Variants in FBXL17 observed in about 807,000 individuals in gnomAD.
The protein encoded by FBXL17 is F-box/LRR-repeat protein 17.
FBXL17 carries 22 observed loss-of-function variants against 66.2 expected under a neutral mutation model. That is an observed-to-expected ratio of 0.33 (90% CI 0.24 to 0.47). The LOEUF (loss-of-function observed/expected upper bound fraction) is 0.47, where lower values mean the gene tolerates loss of function less well. Among genes scored for constraint, FBXL17 ranks in the 20% least tolerant of loss-of-function variants. The pLI is 1.00. For missense variants in FBXL17, 878 were observed against 948.2 expected (o/e 0.93, Z 0.97); for synonymous variants, 474 against 400.5 (o/e 1.18, Z -2.19).
At chr5:107,884,857 G>A (rs1748912756) in intron 7 of FBXL17, among the ~76,000 whole-genome samples, 1 of 152,176 alleles carries the variant, frequency 6.6e-6, no homozygotes, top group Admixed American at 6.5e-5. Context: ...CTACATAAAT[G>A]TCATGATTTA....
chr5:108,263,780 G>T (rs571251936), intron 4 of FBXL17, among the ~76,000 whole-genome samples: 4 of 152,210 alleles, frequency 2.6e-5, no homozygotes, highest in Admixed American at 2.6e-4. Context: ...CCATAGAATT[G>T]CTGCATTTCA....
chr5:107,971,234 T>A (rs1038260540), intron 7 of FBXL17, among the ~76,000 whole-genome samples: 4 of 152,100 alleles, frequency 2.6e-5, no homozygotes, highest in Non-Finnish European at 5.9e-5. Context: ...CAAGCACACA[T>A]CTTAAACTTC....
chr5:108,095,556 G>A (rs1307349981), intron 6 of FBXL17, among the ~76,000 whole-genome samples: 2 of 151,968 alleles, frequency 1.3e-5, no homozygotes, highest in African/African-American at 2.4e-5. Flanking sequence ...AAATATTTTA[G>A]AGCATCTGTT....
At chr5:108,360,870 G>C (rs1461361114) in intron 3 of FBXL17, among the ~76,000 whole-genome samples, 1 of 151,740 alleles carries the variant, frequency 6.6e-6, no homozygotes, top group East Asian at 1.9e-4. Flanking sequence ...AATCCCTCTG[G>C]TAAATGTTTT....
chr5:108,081,664 A>T (rs1049885195), intron 6 of FBXL17, among the ~76,000 whole-genome samples: 1 of 152,154 alleles, frequency 6.6e-6, no homozygotes, highest in South Asian at 2.1e-4. Context: ...CGGAGCTTGC[A>T]GTGAGCCGAG....
intron 6 of FBXL17, among the ~76,000 whole-genome samples, chr5:108,061,076 C>G (rs286758): frequency 6.6e-6 from 1 of 151,890 alleles, no homozygotes; most frequent in Non-Finnish European, 1.5e-5. Flanking sequence ...CACCTGAGGT[C>G]AGGAGTTCAA....
intron 7 of FBXL17, among the ~76,000 whole-genome samples, chr5:107,913,901 G>A (rs1423761380): frequency 6.6e-6 from 1 of 151,916 alleles, no homozygotes; most frequent in Non-Finnish European, 1.5e-5. Context: ...GATTGAAATG[G>A]GCATATTTGG....
At chr5:108,375,835 A>G (rs1749385735) in intron 1 of FBXL17, among the ~76,000 whole-genome samples, 1 of 152,208 alleles carries the variant, frequency 6.6e-6, no homozygotes, top group Admixed American at 6.5e-5. Context: ...CTACAGACCA[A>G]TGTCCCTTAT....
chr5:108,186,570 G>T (rs1753242526), intron 5 of FBXL17, among the ~76,000 whole-genome samples: 1 of 152,020 alleles, frequency 6.6e-6, no homozygotes. Flanking sequence ...AGGAGATCAA[G>T]ACCATCTTGG....
chr5:107,999,363 A>G (rs2112711448), intron 7 of FBXL17, among the ~76,000 whole-genome samples: 1 of 152,150 alleles, frequency 6.6e-6, no homozygotes, highest in East Asian at 1.9e-4. Context: ...TGTTTCTGAA[A>G]TATCTAAAAT....
At chr5:108,261,066 AT>A (rs1219399713) in intron 4 of FBXL17, among the ~76,000 whole-genome samples, 12 of 152,330 alleles carry the variant, frequency 7.9e-5, no homozygotes, top group South Asian at 2.1e-4. Context: ...GTAAAAAAAA[AT>A]ATTAAAATAC....
intron 4 of FBXL17, among the ~76,000 whole-genome samples, chr5:108,322,471 T>C (rs1759663573): frequency 6.6e-6 from 1 of 151,994 alleles, no homozygotes; most frequent in Non-Finnish European, 1.5e-5. Flanking sequence ...CTGTTCTTTG[T>C]GTAAATACTA....
intron 6 of FBXL17, among the ~76,000 whole-genome samples, chr5:108,169,999 T>A (rs1752546845): frequency 6.6e-6 from 1 of 152,108 alleles, no homozygotes; most frequent in Non-Finnish European, 1.5e-5. Context: ...GAGTATAAAT[T>A]AAAACTAAAA....
rs556200848 is a variant in FBXL17 at position 108,262,261 on chromosome 5, T to C, written c.1507-38033A>G. On this transcript the variant is annotated intron_variant, in intron 4 of 8. Transcript: ENST00000542267. Reference sequence around the variant, plus strand: ...CCAGCTAATTTTTTTGTATTTTTAGTAGAGGCGGGGTTTCACCATGTTAGC... The same window carrying C: ...CCAGCTAATTTTTTTGTATTTTTAGCAGAGGCGGGGTTTCACCATGTTAGC... Among the ~76,000 whole-genome samples the C allele has an allele frequency of 4.0e-5, 6 of 151,692 alleles. No individual in the cohort carries two copies. In the East Asian group the frequency reaches 9.7e-4, roughly 25 times the overall value.
intron 4 of FBXL17, among the ~76,000 whole-genome samples, chr5:108,306,089 T>C (rs1758826323): frequency 6.6e-6 from 1 of 152,114 alleles, no homozygotes; most frequent in African/African-American, 2.4e-5. Context: ...TTTACATAAA[T>C]GGAAGAATAC....
chr5:107,906,094 G>T (rs17160714), intron 7 of FBXL17, among the ~76,000 whole-genome samples: 19,265 of 151,584 alleles, frequency 0.13, 1,588 homozygotes, highest in African/African-American at 0.21. Flanking sequence ...AGCAAATCTG[G>T]TTAAATTCCC....
At chr5:107,918,781 A>C (rs1247656659) in intron 7 of FBXL17, among the ~76,000 whole-genome samples, 2 of 152,204 alleles carry the variant, frequency 1.3e-5, no homozygotes, top group Non-Finnish European at 2.9e-5. Context: ...AAGACAAGAA[A>C]TGTGTCATAT....
At chr5:108,067,142 G>A (rs1561393930) in intron 6 of FBXL17, among the ~76,000 whole-genome samples, 1 of 152,104 alleles carries the variant, frequency 6.6e-6, no homozygotes. Flanking sequence ...AAGGAAATGT[G>A]ATGAATGTCA....
In FBXL17 at chr5:108,032,734, T is replaced by G. The variant is rs115036608; in HGVS notation, c.1746-11733A>C. ...TGGCCAGGGAAACTAGTTTTGGACT[T>G]CTGTCCTTCACTATTGTGAGAGAAA... On this transcript the variant is annotated intron_variant, in intron 6 of 8. Transcript: ENST00000542267. 3.8e-3 allele frequency among the ~76,000 whole-genome samples: 578 copies of G among 152,308 alleles called. 3 individuals are homozygous for G. Among genetic ancestry groups the G allele is most frequent in the African/African-American group, 0.014 (564 of 41,568 alleles).
Sources: gnomAD v4.1 joint callset for allele counts (sites outside exome capture counted in the v4.1 genomes callset) on GRCh38, gnomAD v4.1.1 for gene constraint, MANE v1.5 for transcripts, NCBI Gene and HGNC (gene_info 2026-07-23, HGNC 2026-07-21) for gene names.